Variants in STX18 observed in about 807,000 individuals in gnomAD.
The protein encoded by STX18 is syntaxin-18.
In STX18, 40 loss-of-function variants were observed where a neutral mutation model predicts 50.1. The ratio of observed to expected loss-of-function variants is 0.80; its 90% CI spans 0.62 to 1.04. STX18 has a LOEUF of 1.04. Ranked by LOEUF, STX18 falls within the 50% of genes least tolerant of loss-of-function variation. STX18 has a pLI of 0.00. For synonymous variants in STX18, 158 were observed against 151.8 expected, an observed-to-expected ratio of 1.04 and a Z score of -0.30; for missense variants, 410 against 415.8, an observed-to-expected ratio of 0.99 and a Z score of 0.12.
At chr4:4,474,868 A>G (rs1364725519) in intron 1 of STX18, among the ~76,000 whole-genome samples, 4 of 152,232 alleles carry the variant, frequency 2.6e-5, no homozygotes, top group African/African-American at 9.6e-5. Flanking sequence ...CTTGACTTAT[A>G]GAACTATAAG....
At chr4:4,539,741 G>A (rs1039310985) in intron 1 of STX18, among the ~76,000 whole-genome samples, 18 of 152,284 alleles carry the variant, frequency 1.2e-4, no homozygotes, top group African/African-American at 4.3e-4. Flanking sequence ...CACTTCCAGT[G>A]ACAGGGAACT....
intron 2 of STX18, among the ~76,000 whole-genome samples, chr4:4,463,647 T>C (rs1328859149): frequency 6.6e-6 from 1 of 152,218 alleles, no homozygotes; most frequent in Non-Finnish European, 1.5e-5. Flanking sequence ...AGAAAGAAGC[T>C]ACAAATTGAG....
intron 1 of STX18, among the ~76,000 whole-genome samples, chr4:4,488,525 A>C (rs999690494): frequency 3.9e-5 from 6 of 152,196 alleles, no homozygotes; most frequent in Admixed American, 2.6e-4. Flanking sequence ...CAAGAGTTAC[A>C]TCAATGTAGA....
In STX18 at chr4:4,420,231, G is replaced by GTCCTGGCTT; in HGVS notation, c.913-103_913-102insAAGCCAGGA. Reference sequence around the variant, plus strand: ...CCCACGTGCTCTCCTGATCCTGGCTGTAACTATGGGTGTCGTTCCATCTGT... The same window carrying GTCCTGGCTT: ...CCCACGTGCTCTCCTGATCCTGGCTGTCCTGGCTTTAACTATGGGTGTCGTTCCATCTGT... On this transcript the variant is annotated intron_variant, in intron 10 of 10. Transcript: ENST00000306200. This position sits in a 1 kb window ranked among gnomAD's most constrained non-coding sequence, Gnocchi z 4.3. The GTCCTGGCTT allele has an allele frequency of 2.3e-6, 2 of 854,650 alleles. No homozygotes were observed. Among genetic ancestry groups the GTCCTGGCTT allele is most frequent in the South Asian group, 3.1e-5 (2 of 64,606 alleles). The allele number at this position is 854,650 out of a possible 1,614,324, so 52.9% of individuals were successfully genotyped here. A position where few individuals can be genotyped will look rare whatever the true frequency, so the allele number is the denominator to read the frequency against.
intron 1 of STX18, among the ~76,000 whole-genome samples, chr4:4,506,315 G>A (rs946888823): frequency 1.3e-5 from 2 of 152,212 alleles, no homozygotes; most frequent in Non-Finnish European, 2.9e-5. Context: ...ACAGGTGATA[G>A]ATAATTGTAG....
At chr4:4,507,767 C>A (rs1729789868) in intron 1 of STX18, 3 of 1,221,904 alleles carry the variant, frequency 2.5e-6, no homozygotes, top group Non-Finnish European at 3.5e-6. Flanking sequence ...TTTGAATTCC[C>A]AGAGTTTCAA....
At chr4:4,526,252 T>C (rs543395180) in intron 1 of STX18, among the ~76,000 whole-genome samples, 1 of 152,152 alleles carries the variant, frequency 6.6e-6, no homozygotes, top group African/African-American at 2.4e-5. Context: ...TCTGAACTCC[T>C]ATGGTAGCAG....
At chr4:4,516,412 G>A (rs768809228) in intron 1 of STX18, among the ~76,000 whole-genome samples, 39 of 152,244 alleles carry the variant, frequency 2.6e-4, no homozygotes, top group Middle Eastern at 3.4e-3. Flanking sequence ...TGTGCATGTA[G>A]GTTAATTGCT....
chr4:4,540,558 C>T (rs765397338), intron 1 of STX18, among the ~76,000 whole-genome samples: 2 of 152,208 alleles, frequency 1.3e-5, no homozygotes, highest in East Asian at 1.9e-4. Flanking sequence ...CTTTTCTGGT[C>T]CTCAGGTAGA....
At chr4:4,518,552 G>GT (rs1221053961) in intron 1 of STX18, among the ~76,000 whole-genome samples, 1 of 152,020 alleles carries the variant, frequency 6.6e-6, no homozygotes, top group Non-Finnish European at 1.5e-5. Context: ...CACAGGACTG[G>GT]TTACCAAAAA....
upstream of STX18, chr4:4,542,068 C>T (rs989881810): frequency 9.4e-6 from 12 of 1,272,262 alleles, no homozygotes; most frequent in African/African-American, 1.3e-4. Context: ...CCACACGCCT[C>T]CCCCCGGCAA....
chr4:4,475,097 G>C (rs1398071305), intron 1 of STX18, among the ~76,000 whole-genome samples: 1 of 152,162 alleles, frequency 6.6e-6, no homozygotes, highest in Non-Finnish European at 1.5e-5. Context: ...TATTCTACAA[G>C]GGAGGGATGG....
At position 4,484,019 on chromosome 4, in the gene STX18, G is replaced by A. The variant is rs1299766668; in HGVS notation, c.169-12313C>T. Among the ~76,000 whole-genome samples, 8 of 151,974 alleles carry A rather than the reference G, an allele frequency of 5.3e-5. No individual in the cohort carries two copies. The East Asian group carries it at 7.7e-4, about 15-fold the overall frequency. ...TGGGACTACAGGTGCGTGCCACCAT[G>A]CCCAGCTAATTTTTTTGTATTTTTA... On this transcript the variant is annotated intron_variant, in intron 1 of 10. Coordinates refer to ENST00000306200, the MANE Select transcript of STX18 (RefSeq NM_016930.4).
chr4:4,528,840 G>A (rs577927944), intron 1 of STX18, among the ~76,000 whole-genome samples: 1 of 152,184 alleles, frequency 6.6e-6, no homozygotes, highest in East Asian at 1.9e-4. Flanking sequence ...CCTCAATTGG[G>A]CAATTCTAAA....
chr4:4,491,531 G>A (rs1038690523), intron 1 of STX18, among the ~76,000 whole-genome samples: 2 of 151,988 alleles, frequency 1.3e-5, no homozygotes, highest in African/African-American at 4.8e-5. Context: ...TTTAACCTGG[G>A]AACAATTTAC....
Position 4,420,791 on chromosome 4 carries a change from G to T in STX18, c.912+73C>A. The T allele has an allele frequency of 1.5e-6, 2 of 1,375,662 alleles. No homozygotes were observed. Among genetic ancestry groups the T allele is most frequent in the Non-Finnish European group, 2.1e-6 (2 of 965,936 alleles). The allele number at this position is 1,375,662 out of a possible 1,614,324, so 85.2% of individuals were successfully genotyped here. On this transcript the variant is annotated intron_variant, in intron 10 of 10. Coordinates refer to ENST00000306200, the MANE Select transcript of STX18 (RefSeq NM_016930.4). This position sits in a 1 kb window ranked among gnomAD's most constrained non-coding sequence, Gnocchi z 4.3. ...AGCAAGGCTCCTGGGCAGCTGTGCC[G>T]GCGAGACTAACACCCGCTGCTGGGA...
chr4:4,495,563 C>CTT lies in STX18; in HGVS notation c.169-23859_169-23858dup, dbSNP rs35298335. Among the ~76,000 whole-genome samples, 1,279 of 129,958 alleles carry CTT rather than the reference C, an allele frequency of 9.8e-3. 24 individuals are homozygous for CTT. The highest frequency in any genetic ancestry group is 0.035 in the African/African-American group (1,208 of 34,228). The allele number at this position is 129,958 out of a possible 152,430, so 85.3% of individuals were successfully genotyped here. A position where few individuals can be genotyped will look rare whatever the true frequency, so the allele number is the denominator to read the frequency against. ...GTGTCTGGCTAATTTTTTTTCTTTT[C>CTT]TTTTTTTTTTTTTTTTTTTGAGAGA... On this transcript the variant is annotated intron_variant, in intron 1 of 10. Coordinates refer to ENST00000306200, the MANE Select transcript of STX18 (RefSeq NM_016930.4).
At chr4:4,511,688 C>A (rs1033753252) in intron 1 of STX18, among the ~76,000 whole-genome samples, 4 of 149,956 alleles carry the variant, frequency 2.7e-5, no homozygotes, top group Non-Finnish European at 4.4e-5. Context: ...AAAATACATA[C>A]AATCACCAAA....
chr4:4,486,746 G>A (rs1400484477), intron 1 of STX18, among the ~76,000 whole-genome samples: 1 of 152,120 alleles, frequency 6.6e-6, no homozygotes, highest in Non-Finnish European at 1.5e-5. Flanking sequence ...AGAGGGGCGA[G>A]AGGAAAAAAC....
Sources: gnomAD v4.1 joint callset for allele counts (sites outside exome capture counted in the v4.1 genomes callset) on GRCh38, gnomAD v4.1.1 for gene constraint, Gnocchi (gnomAD v3.1) non-coding constraint, MANE v1.5 for transcripts, NCBI Gene and HGNC (gene_info 2026-07-23, HGNC 2026-07-21) for gene names.